Variants in CCDC175 observed in about 807,000 individuals in gnomAD.
CCDC175 encodes the protein coiled-coil domain containing 175.
Under a neutral mutation model 114.6 loss-of-function variants are expected in CCDC175, and 100 were observed. The ratio of observed to expected loss-of-function variants is 0.87; its 90% CI spans 0.74 to 1.03. The LOEUF is 1.03. Ranked by LOEUF, CCDC175 falls within the 50% of genes least tolerant of loss-of-function variation. CCDC175 has a pLI of 0.00. For missense variants in CCDC175, 880 were observed against 917.8 expected (o/e 0.96, Z 0.53); for synonymous variants, 306 against 308.7 (o/e 0.99, Z 0.09).
rs1892288683 is a variant in CCDC175 at position 59,505,422 on chromosome 14, G to T, written c.2306-107C>A. The T allele has an allele frequency of 7.9e-6, 4 of 507,286 alleles. No individual in the cohort carries two copies. The South Asian group carries it at 1.6e-4, about 20-fold the overall frequency. 31.4% of individuals were successfully genotyped at this position (507,286 alleles called of 1,614,324 possible). On this transcript the variant is annotated intron_variant, in intron 19 of 19. Coordinates refer to ENST00000537690, the MANE Select transcript of CCDC175 (RefSeq NM_001164399.2). ...AGTTGCCCAAAGAATCCTCAATTGA[G>T]TAATTGTATAATCGGGGTAGAGTAG...
rs1215837829 is a variant in CCDC175 at position 59,532,020 on chromosome 14, C to T, written c.1624-110G>A. Reference sequence around the variant, plus strand: ...GAAAGAGTTTCATCTGTCTTGGTCTCCTATCCTGAGGTACATAGAAAGACA... The same window carrying T: ...GAAAGAGTTTCATCTGTCTTGGTCTTCTATCCTGAGGTACATAGAAAGACA... On this transcript the variant is annotated intron_variant, in intron 13 of 19. Coordinates refer to ENST00000537690, the MANE Select transcript of CCDC175 (RefSeq NM_001164399.2). 38 of 606,428 alleles carry T rather than the reference C, an allele frequency of 6.3e-5. No individual in the cohort carries two copies. The South Asian group carries it at 8.4e-4, about 13-fold the overall frequency. 37.6% of individuals were successfully genotyped at this position (606,428 alleles called of 1,614,324 possible).
intron 16 of CCDC175, 90 bp downstream of exon 16, chr14:59,525,192 A>G (rs1893672867): frequency 2.0e-6 from 2 of 1,023,490 alleles, no homozygotes; most frequent in Admixed American, 7.7e-5. Flanking sequence ...ACATTTTTCA[A>G]GAGCTATTCT....
intron 7 of CCDC175, among the ~76,000 whole-genome samples, chr14:59,558,806 C>T (rs1454436636): frequency 2.6e-5 from 4 of 151,888 alleles, no homozygotes; most frequent in African/African-American, 9.7e-5. Flanking sequence ...TTTAAAGCCA[C>T]GAGACTGAAT....
chr14:59,515,851 C>A (rs1487312724), intron 17 of CCDC175, among the ~76,000 whole-genome samples: 1 of 152,228 alleles, frequency 6.6e-6, no homozygotes, highest in Non-Finnish European at 1.5e-5. Flanking sequence ...CACGCCAAAT[C>A]AACAGAATAT....
intron 17 of CCDC175, among the ~76,000 whole-genome samples, chr14:59,521,030 T>G (rs1248262578): frequency 6.6e-6 from 1 of 152,200 alleles, no homozygotes. Flanking sequence ...TAAAGAACAC[T>G]GTAATGGTTA....
rs547036547 is a variant in CCDC175, at chr14:59,568,610, C to T, written c.356-230G>A. On this transcript the variant is annotated intron_variant, in intron 3 of 19. Transcript: ENST00000537690. ...GGCTTGGATCAATTTCAGACAGGTGCAGTCTGATAGTGCCTGATTCCCGCC... is the reference window on the plus strand; with the variant it reads ...GGCTTGGATCAATTTCAGACAGGTGTAGTCTGATAGTGCCTGATTCCCGCC... 7.9e-4 allele frequency among the ~76,000 whole-genome samples: 121 copies of T among 152,250 alleles called. 3 individuals carry two copies. Among genetic ancestry groups the T allele is most frequent in the Admixed American group, 6.7e-3 (102 of 15,292 alleles).
intron 17 of CCDC175, among the ~76,000 whole-genome samples, chr14:59,518,400 G>C (rs1893229952): frequency 6.6e-6 from 1 of 152,148 alleles, no homozygotes; most frequent in South Asian, 2.1e-4. Context: ...CAGAATGGGA[G>C]AAAATTTTTG....
chr14:59,562,197 T>C (rs1896259159), intron 6 of CCDC175, among the ~76,000 whole-genome samples: 1 of 152,224 alleles, frequency 6.6e-6, no homozygotes, highest in African/African-American at 2.4e-5. Context: ...TGACATCTGT[T>C]ATCTTTAGTC....
chr14:59,530,969 C>T (rs943288948), intron 14 of CCDC175, among the ~76,000 whole-genome samples: 1 of 152,036 alleles, frequency 6.6e-6, no homozygotes, highest in Non-Finnish European at 1.5e-5. Flanking sequence ...TGACCCTCTA[C>T]TCACCAAATG....
chr14:59,547,243 A>G (rs141494256), intron 8 of CCDC175, among the ~76,000 whole-genome samples: 143 of 152,360 alleles, frequency 9.4e-4, no homozygotes, highest in Non-Finnish European at 1.9e-3. Flanking sequence ...GAAGATCTAA[A>G]ACAAAAGACA....
At chr14:59,574,409 A>G (rs530139563) in intron 2 of CCDC175, among the ~76,000 whole-genome samples, 14 of 152,370 alleles carry the variant, frequency 9.2e-5, no homozygotes, top group African/African-American at 3.4e-4. Context: ...ATATTTCTTC[A>G]ACATGTCTTT....
At chr14:59,540,647 A>AATTT in intron 11 of CCDC175, 28 bp downstream of exon 11, 1 of 1,163,248 alleles carries the variant, frequency 8.6e-7, no homozygotes. Flanking sequence ...ACACAAATAA[A>AATTT]CTTTTTTTTT....
intron 1 of CCDC175, among the ~76,000 whole-genome samples, chr14:59,575,312 A>G (rs1897048232): frequency 6.6e-6 from 1 of 152,078 alleles, no homozygotes; most frequent in Admixed American, 6.6e-5. Context: ...TTCCTATGAA[A>G]TATGTTCTGA....
intron 14 of CCDC175, among the ~76,000 whole-genome samples, chr14:59,528,310 C>G (rs1893867693): frequency 6.6e-6 from 1 of 152,046 alleles, no homozygotes; most frequent in Admixed American, 6.6e-5. Flanking sequence ...AAATTCCACA[C>G]TAATATGGCT....
At chr14:59,553,993 T>G (rs1595055749) in intron 7 of CCDC175, among the ~76,000 whole-genome samples, 1 of 152,156 alleles carries the variant, frequency 6.6e-6, no homozygotes, top group Non-Finnish European at 1.5e-5. Flanking sequence ...GAAAGAGACT[T>G]AGACTCCCAC....
rs142546773 is a variant in CCDC175 at position 59,561,059 on chromosome 14, A to G, written c.953+60T>C. The G allele has an allele frequency of 8.2e-4, 674 of 821,926 alleles. 3 individuals are homozygous for G. In the African/African-American group the frequency reaches 0.01, roughly 13 times the overall value. The allele number at this position is 821,926 out of a possible 1,614,324, so 50.9% of individuals were successfully genotyped here. ...AAAATGAAAACATAGCATATTAACT[A>G]TATTATATCATATTAACATATCTCG... On this transcript the variant is annotated intron_variant, in intron 7 of 19. Coordinates refer to ENST00000537690, the MANE Select transcript of CCDC175 (RefSeq NM_001164399.2).
At chr14:59,533,085 C>T (rs574123154) in intron 13 of CCDC175, among the ~76,000 whole-genome samples, 1 of 152,276 alleles carries the variant, frequency 6.6e-6, no homozygotes, top group African/African-American at 2.4e-5. Context: ...TCCTTCAAGC[C>T]CACCAAAGTG....
chr14:59,545,351 G>C, intron 8 of CCDC175, 52 bp from the exon 9 acceptor site: 1 of 1,510,998 alleles, frequency 6.6e-7, no homozygotes, highest in Non-Finnish European at 8.8e-7. Context: ...CTGCTCCTCT[G>C]AGGCCATCTG....
In CCDC175 at chr14:59,538,066, A is replaced by G; in HGVS notation, c.1580T>C (p.Val527Ala). ...TELKEEEKAF[V>A]NKEKMLMKEL... Reference sequence around the variant, plus strand: ...TTTCATTAACATTTTTTCTTTGTTAACAAATGCTTTCTCCTCTTCTTTTAA... The same window carrying G: ...TTTCATTAACATTTTTTCTTTGTTAGCAAATGCTTTCTCCTCTTCTTTTAA... The change falls in exon 13 of 20, where the codon GTT becomes GCT. Residue 527 changes from valine (V) to alanine (A), a missense_variant. Coordinates refer to ENST00000537690, the MANE Select transcript of CCDC175 (RefSeq NM_001164399.2). The G allele has an allele frequency of 6.5e-7, 1 of 1,531,746 alleles. No homozygotes were observed. Among genetic ancestry groups the G allele is most frequent in the Non-Finnish European group, 8.8e-7 (1 of 1,142,618 alleles). 94.9% of individuals were successfully genotyped at this position (1,531,746 alleles called of 1,614,324 possible).
Sources: allele counts gnomAD v4.1 joint callset (sites outside exome capture counted in the v4.1 genomes callset), GRCh38; gene constraint gnomAD v4.1.1; transcripts MANE v1.5; gene names NCBI Gene and HGNC (gene_info 2026-07-23, HGNC 2026-07-21).